MDGA2: variants seen among roughly 807,000 people sequenced by gnomAD.
The protein encoded by MDGA2 is MAM domain-containing glycosylphosphatidylinositol anchor protein 2.
Under a neutral mutation model 117.8 loss-of-function variants are expected in MDGA2, and 40 were observed. The ratio of observed to expected loss-of-function variants is 0.34; its 90% CI spans 0.26 to 0.44. MDGA2 has a LOEUF of 0.44. Ranked by LOEUF, MDGA2 falls within the 20% of genes least tolerant of loss-of-function variation. The probability of loss-of-function intolerance (pLI) is 1.00; values close to 1 mark genes in which losing one functional copy is unlikely to be tolerated. For missense variants in MDGA2, 1,123 were observed against 1,250.6 expected (o/e 0.90, Z 1.54); for synonymous variants, 452 against 439.0 (o/e 1.03, Z -0.37).
At chr14:47,447,971 G>T (rs1278960840) in intron 1 of MDGA2, among the ~76,000 whole-genome samples, 2 of 151,844 alleles carry the variant, frequency 1.3e-5, no homozygotes, top group African/African-American at 4.8e-5. Flanking sequence ...TTCCTGAGTG[G>T]GGTGATAAGA....
intron 6 of MDGA2, among the ~76,000 whole-genome samples, chr14:47,062,973 G>A (rs766885323): frequency 5.2e-4 from 79 of 151,792 alleles, no homozygotes; most frequent in Non-Finnish European, 9.6e-4. Context: ...ATATTTGAAG[G>A]GCTCCTCCTC....
intron 2 of MDGA2, among the ~76,000 whole-genome samples, chr14:47,286,811 A>ATATATATATATATATACATATATATATG (rs1566720822): frequency 8.5e-6 from 1 of 117,372 alleles, no homozygotes; most frequent in African/African-American, 2.9e-5. Flanking sequence ...CATTATATAT[A>ATATATATATATATATACATATATATATG]TATATATATA....
At chr14:47,217,989 C>A (rs1368983170) in intron 3 of MDGA2, 32 bp downstream of exon 3, 27 of 1,465,516 alleles carry the variant, frequency 1.8e-5, no homozygotes, top group Non-Finnish European at 2.4e-5. Context: ...CCATAATAGG[C>A]TTAATTATAG....
chr14:46,997,157 T>C (rs1224928836), intron 8 of MDGA2: 1 of 170,750 alleles, frequency 5.9e-6, no homozygotes, highest in Non-Finnish European at 1.2e-5. Flanking sequence ...CTGTGAATGA[T>C]GATCATTTAA....
At chr14:47,571,777 G>A (rs934015181) in intron 1 of MDGA2, among the ~76,000 whole-genome samples, 3 of 151,898 alleles carry the variant, frequency 2.0e-5, no homozygotes, top group Non-Finnish European at 4.4e-5. Flanking sequence ...GGATAGGGGA[G>A]GCATAGCATT....
intron 1 of MDGA2, among the ~76,000 whole-genome samples, chr14:47,541,550 T>C (rs966755809): frequency 1.3e-5 from 2 of 152,176 alleles, no homozygotes; most frequent in Non-Finnish European, 2.9e-5. Context: ...GTCTCTTCCC[T>C]TTTTCCTCTT....
intron 1 of MDGA2, among the ~76,000 whole-genome samples, chr14:47,471,198 G>T (rs1045931152): frequency 6.6e-6 from 1 of 151,912 alleles, no homozygotes; most frequent in Admixed American, 6.6e-5. Flanking sequence ...TTAAAGATGA[G>T]GGGGAGATAT....
intron 7 of MDGA2, among the ~76,000 whole-genome samples, chr14:47,035,513 CATT>C (rs1888814944): frequency 6.6e-6 from 1 of 152,154 alleles, no homozygotes. Context: ...GGACTTCAAA[CATT>C]AGCAAAATAA....
chr14:47,312,702 T>G (rs113663553), intron 1 of MDGA2, among the ~76,000 whole-genome samples: 12,888 of 143,054 alleles, frequency 0.09, 873 homozygotes, highest in Non-Finnish European at 0.11. Context: ...TGTTTTGTTT[T>G]TTTTTTTTGT....
intron 1 of MDGA2, among the ~76,000 whole-genome samples, chr14:47,488,816 A>C (rs2138649011): frequency 6.6e-6 from 1 of 152,128 alleles, no homozygotes; most frequent in East Asian, 1.9e-4. Flanking sequence ...TAGAAAAGTA[A>C]AGAAAAATGT....
chr14:47,640,853 A>T (rs1897409869), intron 1 of MDGA2, among the ~76,000 whole-genome samples: 1 of 152,046 alleles, frequency 6.6e-6, no homozygotes, highest in African/African-American at 2.4e-5. Flanking sequence ...GCTTTCTCTC[A>T]TACACAAGAT....
At chr14:47,312,679 T>G (rs866515134) in intron 1 of MDGA2, among the ~76,000 whole-genome samples, 2 of 123,440 alleles carry the variant, frequency 1.6e-5, no homozygotes, top group African/African-American at 6.1e-5. Flanking sequence ...AGTTTTTAGT[T>G]TTTTTTTTGT....
At position 47,645,541 on chromosome 14, in the gene MDGA2, A is replaced by G. The variant is rs952511020; in HGVS notation, c.280+28976T>C. Among the ~76,000 whole-genome samples the G allele has an allele frequency of 3.9e-5, 6 of 152,036 alleles. No individual in the cohort carries two copies. In the South Asian group the frequency reaches 8.3e-4, roughly 21 times the overall value. On this transcript the variant is annotated intron_variant, in intron 1 of 16. Transcript: ENST00000399232. ...GAGCCACCGCGCCCGGCCCAATTCA[A>G]TTCTTATGATTCACAATTCTTATAA...
At chr14:46,860,087 TAATAG>T (rs1201485949) in intron 14 of MDGA2, among the ~76,000 whole-genome samples, 1 of 152,092 alleles carries the variant, frequency 6.6e-6, no homozygotes, top group Non-Finnish European at 1.5e-5. Flanking sequence ...TGTATGCATA[TAATAG>T]AAGTATATAA....
intron 2 of MDGA2, 144 bp from the exon 3 acceptor site, chr14:47,218,339 A>G (rs1886176128): frequency 4.1e-6 from 3 of 729,134 alleles, no homozygotes; most frequent in Non-Finnish European, 6.4e-6. Flanking sequence ...ATTAATGTTT[A>G]CAGACACGAT....
At chr14:47,359,629 T>A in intron 1 of MDGA2, among the ~76,000 whole-genome samples, 1 of 145,438 alleles carries the variant, frequency 6.9e-6, no homozygotes, top group African/African-American at 2.6e-5. Context: ...TCACCATACA[T>A]AAAAAAAGCT....
chr14:46,960,678 T>A (rs1010672998), intron 8 of MDGA2: 2 of 151,536 alleles, frequency 1.3e-5, no homozygotes, highest in African/African-American at 4.8e-5. Flanking sequence ...CACACACATA[T>A]ACATACATAT....
In MDGA2 at chr14:47,131,902, G is replaced by A. The variant is rs149964891; in HGVS notation, c.793-56C>T. 1.4e-4 allele frequency: 183 copies of A among 1,350,862 alleles called. No homozygotes were observed. The African/African-American group carries it at 2.4e-3, about 17-fold the overall frequency. The allele number at this position is 1,350,862 out of a possible 1,614,324, so 83.7% of individuals were successfully genotyped here. ...TAGAAAAAGCCAACACAACCAGAAT[G>A]AATGAAACATCACATCACATTACAT... On this transcript the variant is annotated intron_variant, in intron 4 of 16. Transcript: ENST00000399232.
chr14:47,233,797 A>G (rs1886769722), intron 2 of MDGA2, among the ~76,000 whole-genome samples: 1 of 152,140 alleles, frequency 6.6e-6, no homozygotes, highest in South Asian at 2.1e-4. Context: ...ACCTACATTT[A>G]GACATTTCTG....
Sources: allele counts gnomAD v4.1 joint callset (sites outside exome capture counted in the v4.1 genomes callset), GRCh38; gene constraint gnomAD v4.1.1; transcripts MANE v1.5; gene names NCBI Gene and HGNC (gene_info 2026-07-23, HGNC 2026-07-21).